SDK1: variants seen among roughly 807,000 people sequenced by gnomAD.
The protein encoded by SDK1 is protein sidekick-1.
Under a neutral mutation model 245.5 loss-of-function variants are expected in SDK1, and 157 were observed. The observed-to-expected ratio is 0.64, with a 90% CI of 0.56 to 0.73. The LOEUF (loss-of-function observed/expected upper bound fraction) is 0.73. SDK1 is among the 30% of genes least tolerant of loss of function. SDK1 has a pLI of 0.00. For missense variants in SDK1, 3,583 were observed against 3,002.3 expected (o/e 1.19, Z -4.52); for synonymous variants, 1,647 against 1,278.5 (o/e 1.29, Z -6.15).
At chr7:3,432,124 AATAT>A (rs1554270423) in intron 1 of SDK1, among the ~76,000 whole-genome samples, 1 of 146,870 alleles carries the variant, frequency 6.8e-6, no homozygotes, top group African/African-American at 2.5e-5. Flanking sequence ...AAAAAAAAAA[AATAT>A]ATATATGTAT....
intron 1 of SDK1, among the ~76,000 whole-genome samples, chr7:3,500,287 C>T (rs1782156295): frequency 6.6e-6 from 1 of 152,134 alleles, no homozygotes; most frequent in Admixed American, 6.5e-5. Context: ...TTTTCTCCTT[C>T]TTGGACTACT....
chr7:4,137,978 G>C (rs1460966429), intron 28 of SDK1, among the ~76,000 whole-genome samples: 1 of 152,210 alleles, frequency 6.6e-6, no homozygotes, highest in Non-Finnish European at 1.5e-5. Context: ...CTTTTTAAAC[G>C]TGTCAAGGTG....
At chr7:3,989,617 G>A (rs1379519262) in intron 14 of SDK1, among the ~76,000 whole-genome samples, 1 of 152,148 alleles carries the variant, frequency 6.6e-6, no homozygotes, top group Non-Finnish European at 1.5e-5. Context: ...CCTAGGAGTG[G>A]TGCACTCTCG....
chr7:4,137,946 C>G (rs1779204964), intron 28 of SDK1, among the ~76,000 whole-genome samples: 1 of 152,218 alleles, frequency 6.6e-6, no homozygotes. Flanking sequence ...AAGCTGTCTT[C>G]TATTGTCCAT....
rs112969037 is a variant in SDK1, at chr7:4,146,012, G to A, written c.4423+96G>A. 190 of 1,102,432 alleles carry A rather than the reference G, an allele frequency of 1.7e-4. 1 individual carries two copies. The highest frequency in any genetic ancestry group is 1.6e-3 in the African/African-American group (104 of 63,518). 68.3% of individuals were successfully genotyped at this position (1,102,432 alleles called of 1,614,324 possible). On this transcript the variant is annotated intron_variant, in intron 29 of 44. Coordinates refer to ENST00000404826, the MANE Select transcript of SDK1 (RefSeq NM_152744.4). ...GTCTGCGGGGTACCTGGGAGGCTTC[G>A]GCCTTCCCTTCGGAGAAAGAGAAGG...
intron 8 of SDK1, among the ~76,000 whole-genome samples, chr7:3,960,029 T>C (rs1020617411): frequency 5.3e-5 from 8 of 152,180 alleles, no homozygotes; most frequent in African/African-American, 1.4e-4. Context: ...CTTTTCTCTT[T>C]TGTTTATACC....
Position 3,624,754 on chromosome 7 carries a change from A to G in SDK1, c.458+5515A>G, listed in dbSNP as rs552677612. Among the ~76,000 whole-genome samples the G allele has an allele frequency of 2.0e-5, 3 of 152,216 alleles. No homozygotes were observed. In the South Asian group the frequency reaches 6.2e-4, roughly 32 times the overall value. On this transcript the variant is annotated intron_variant, in intron 2 of 44. Transcript: ENST00000404826. ...CCAGACCATTATATTTATAAAAAAT[A>G]TATGATCAAGGCCAGGCATGGTGGC...
At position 4,233,255 on chromosome 7, in the gene SDK1, A is replaced by G. The variant is rs1022065264; in HGVS notation, c.5828A>G (p.Asp1943Gly). The change falls in exon 41 of 45, where the codon GAT (aspartate) becomes GGT (glycine). Residue 1943 changes from aspartate (D) to glycine (G), a missense_variant and splice_region_variant. Coordinates refer to ENST00000404826, the MANE Select transcript of SDK1 (RefSeq NM_152744.4). ...TGYVIEARPS[D>G]EGLWDMFVKD... ...TCTCGCCTCCCCATCCCTCTTGCAG[A>G]TGAAGGCTTATGGGACATGTTTGTG... 3 of 1,611,980 alleles carry G rather than the reference A, an allele frequency of 1.9e-6. No individual in the cohort carries two copies. Among genetic ancestry groups the G allele is most frequent in the African/African-American group, 2.7e-5 (2 of 74,898 alleles).
intron 4 of SDK1, among the ~76,000 whole-genome samples, chr7:3,799,702 C>G (rs1254291191): frequency 4.0e-5 from 2 of 50,248 alleles, no homozygotes; most frequent in East Asian, 8.0e-4. Flanking sequence ...GAGACTCCAT[C>G]TCAAAAAAAA....
intron 30 of SDK1, among the ~76,000 whole-genome samples, chr7:4,152,467 C>T (rs1780449322): frequency 6.6e-6 from 1 of 152,144 alleles, no homozygotes; most frequent in African/African-American, 2.4e-5. Flanking sequence ...CTTTGTGTAA[C>T]CATCTAAAAG....
At chr7:3,303,300 A>T (rs949311677) in intron 1 of SDK1, among the ~76,000 whole-genome samples, 4 of 152,196 alleles carry the variant, frequency 2.6e-5, no homozygotes, top group Non-Finnish European at 5.9e-5. Flanking sequence ...ATCACTTAGG[A>T]TGACCTTTAA....
In SDK1 at chr7:3,479,199, A is replaced by G. The variant is rs372547182; in HGVS notation, c.299-139881A>G. ...CACTTTGGGAGGCTGAGGAGGGCGG[A>G]TCACTTGAGGTCAGGAGTTCGAGAC... On this transcript the variant is annotated intron_variant, in intron 1 of 44. Coordinates refer to ENST00000404826, the MANE Select transcript of SDK1 (RefSeq NM_152744.4). Among the ~76,000 whole-genome samples, 12 of 152,226 alleles carry G rather than the reference A, an allele frequency of 7.9e-5. No homozygotes were observed. The South Asian group carries it at 2.3e-3, about 29-fold the overall frequency.
chr7:3,657,637 G>C (rs746080429), intron 4 of SDK1, among the ~76,000 whole-genome samples: 35 of 151,598 alleles, frequency 2.3e-4, no homozygotes, highest in Non-Finnish European at 4.3e-4. Context: ...CAAGCCATCT[G>C]TTTGGCCTCT....
chr7:3,461,459 C>T (rs1237096174), intron 1 of SDK1, among the ~76,000 whole-genome samples: 1 of 152,074 alleles, frequency 6.6e-6, no homozygotes, highest in African/African-American at 2.4e-5. Flanking sequence ...TTTCTTTGTA[C>T]AGAAGTCATT....
intron 1 of SDK1, among the ~76,000 whole-genome samples, chr7:3,521,642 T>G (rs1359914022): frequency 2.0e-5 from 3 of 152,172 alleles, no homozygotes; most frequent in Admixed American, 6.5e-5. Context: ...ATTTCGCCCT[T>G]GAAGACTACT....
At chr7:3,576,335 T>A (rs938734037) in intron 1 of SDK1, among the ~76,000 whole-genome samples, 12 of 152,226 alleles carry the variant, frequency 7.9e-5, no homozygotes, top group African/African-American at 2.9e-4. Context: ...CACTGTGTAC[T>A]TCTGTGTGAC....
At chr7:4,140,804 A>G (rs1779532950) in intron 28 of SDK1, among the ~76,000 whole-genome samples, 1 of 152,228 alleles carries the variant, frequency 6.6e-6, no homozygotes, top group South Asian at 2.1e-4. Flanking sequence ...CTCCATTTTA[A>G]AAAATGATTA....
intron 17 of SDK1, among the ~76,000 whole-genome samples, 153 bp from the exon 18 acceptor site, chr7:4,049,195 G>A (rs777984550): frequency 2.0e-5 from 3 of 152,200 alleles, no homozygotes; most frequent in Non-Finnish European, 4.4e-5. Flanking sequence ...TAATGCCACT[G>A]TAAGCTTCCC....
At chr7:3,595,167 C>CT (rs1781012223) in intron 1 of SDK1, among the ~76,000 whole-genome samples, 1 of 151,914 alleles carries the variant, frequency 6.6e-6, no homozygotes, top group African/African-American at 2.4e-5. Flanking sequence ...ATAATGTGAG[C>CT]TTTTTCAGCT....
Sources: allele counts gnomAD v4.1 joint callset (sites outside exome capture counted in the v4.1 genomes callset), GRCh38; gene constraint gnomAD v4.1.1; transcripts MANE v1.5; gene names NCBI Gene and HGNC (gene_info 2026-07-23, HGNC 2026-07-21).